Variants in BBS9 observed in about 807,000 individuals in gnomAD.
BBS9 encodes the protein protein PTHB1.
In BBS9, 89 loss-of-function variants were observed where a neutral mutation model predicts 117.7. That is an observed-to-expected ratio of 0.76 (90% CI 0.64 to 0.90). The LOEUF (loss-of-function observed/expected upper bound fraction) is 0.90. BBS9 is among the 40% of genes least tolerant of loss of function. BBS9 has a pLI of 0.00. For missense variants in BBS9, 982 were observed against 1,042.2 expected (o/e 0.94, Z 0.80); for synonymous variants, 379 against 370.9 (o/e 1.02, Z -0.25).
At chr7:33,607,064 C>G (rs1465253013), downstream of BBS9, among the ~76,000 whole-genome samples, 1 of 152,134 alleles carries the variant, frequency 6.6e-6, no homozygotes, top group Non-Finnish European at 1.5e-5. Context: ...ACATACCTCT[C>G]TCTTACTTAT....
intron 21 of BBS9, among the ~76,000 whole-genome samples, chr7:33,615,736 G>T (rs571860130): frequency 6.6e-6 from 1 of 151,972 alleles, no homozygotes; most frequent in African/African-American, 2.4e-5. Flanking sequence ...ATCAAAGTGG[G>T]TAAATACTAA....
At position 33,264,537 on chromosome 7, in the gene BBS9, T is replaced by C. The variant is rs546002572; in HGVS notation, c.702+163T>C. Among the ~76,000 whole-genome samples the C allele has an allele frequency of 3.9e-5, 6 of 152,254 alleles. No homozygotes were observed. The East Asian group carries it at 5.8e-4, about 15-fold the overall frequency. ...GACCTAAGAATTGAGTTGGTTGTTGTTGAGCAATGGAAACACATGCCTGGT... is the reference window on the plus strand; with the variant it reads ...GACCTAAGAATTGAGTTGGTTGTTGCTGAGCAATGGAAACACATGCCTGGT... On this transcript the variant is annotated intron_variant, in intron 7 of 22. Transcript: ENST00000242067.
chr7:33,604,286 G>T (rs1864254542), intron 21 of BBS9, among the ~76,000 whole-genome samples: 1 of 152,132 alleles, frequency 6.6e-6, no homozygotes, highest in Admixed American at 6.6e-5. Context: ...TCATCCTCAA[G>T]TCACCTTTGG....
rs140019958 is a variant in BBS9 at position 33,596,359 on chromosome 7, T to TTATCTATCTATCTATCTATC, written c.2522-8490_2522-8471dup. Among the ~76,000 whole-genome samples the TTATCTATCTATCTATCTATC allele has an allele frequency of 4.9e-3, 708 of 144,986 alleles. 8 individuals are homozygous for TTATCTATCTATCTATCTATC. The highest frequency in any genetic ancestry group is 0.014 in the East Asian group (68 of 4,864). On this transcript the variant is annotated intron_variant, in intron 21 of 22. Coordinates refer to ENST00000242067, the MANE Select transcript of BBS9 (RefSeq NM_198428.3). ...TTGTAGATATATAATTGATATATAATTATCTATCTATCTATCTATCTATCT... is the reference window on the plus strand; with the variant it reads ...TTGTAGATATATAATTGATATATAATTATCTATCTATCTATCTATCTATCTATCTATCTATCTATCTATCT...
In BBS9 at chr7:33,385,673, C is replaced by T. The variant is rs141379957; in HGVS notation, c.1962+1835C>T. 8.4e-3 allele frequency among the ~76,000 whole-genome samples: 1,285 copies of T among 152,118 alleles called. 22 individuals carry two copies. The highest frequency in any genetic ancestry group is 0.045 in the South Asian group (218 of 4,814). ...CAAGAATTTAGGAAATAAATTATTA[C>T]AGCAGTAAATTATACAATTAAAAGA... On this transcript the variant is annotated intron_variant, in intron 18 of 22. Transcript: ENST00000242067.
chr7:33,180,770 T>TCTGTTCTCCCTACAAGAACAG (rs999963583), intron 5 of BBS9, among the ~76,000 whole-genome samples: 1 of 152,150 alleles, frequency 6.6e-6, no homozygotes, highest in African/African-American at 2.4e-5. Flanking sequence ...GGTCTCCAGT[T>TCTGTTCTCCCTACAAGAACAG]GCCTCTTGTA....
intron 12 of BBS9, among the ~76,000 whole-genome samples, chr7:33,344,835 C>T (rs1311832382): frequency 6.6e-6 from 1 of 152,074 alleles, no homozygotes; most frequent in East Asian, 1.9e-4. Context: ...GCATTTATAG[C>T]AATATGTATA....
intron 21 of BBS9, among the ~76,000 whole-genome samples, chr7:33,626,738 G>A (rs1865654192): frequency 6.6e-6 from 1 of 152,208 alleles, no homozygotes; most frequent in African/African-American, 2.4e-5. Flanking sequence ...CTTTGAACTT[G>A]AGGGTGATGA....
At chr7:33,458,550 C>T (rs1378740668) in intron 19 of BBS9, among the ~76,000 whole-genome samples, 1 of 152,088 alleles carries the variant, frequency 6.6e-6, no homozygotes, top group Non-Finnish European at 1.5e-5. Flanking sequence ...AAGTAACAAA[C>T]AAGAAGCTAA....
chr7:33,349,622 G>T (rs1023412027), intron 13 of BBS9, among the ~76,000 whole-genome samples: 1 of 151,942 alleles, frequency 6.6e-6, no homozygotes, highest in Non-Finnish European at 1.5e-5. Context: ...GTAGAGACGG[G>T]GTTTCGCCAT....
chr7:33,630,266 G>A (rs1182929825), intron 21 of BBS9, among the ~76,000 whole-genome samples: 1 of 152,078 alleles, frequency 6.6e-6, no homozygotes. Flanking sequence ...CATATATGGA[G>A]GATTTATTTC....
At chr7:33,209,815 T>C (rs1287051356) in intron 5 of BBS9, among the ~76,000 whole-genome samples, 1 of 152,124 alleles carries the variant, frequency 6.6e-6, no homozygotes, top group Non-Finnish European at 1.5e-5. Flanking sequence ...TAAAGGTTTG[T>C]CAATTTTATC....
At chr7:33,598,511 T>G (rs575955674) in intron 21 of BBS9, among the ~76,000 whole-genome samples, 1 of 152,262 alleles carries the variant, frequency 6.6e-6, no homozygotes, top group East Asian at 1.9e-4. Flanking sequence ...CTTTAGTTAA[T>G]AATAATGTAT....
rs559998509 is a variant in BBS9 at position 33,617,109 on chromosome 7, C to T, written c.2522-18068C>T. ...TATAAATATACTATATTTTCTTTAT[C>T]CCATCATCCATTGATGGACAACTGT... On this transcript the variant is annotated intron_variant, in intron 21 of 21. Coordinates refer to the BBS9 transcript ENST00000671952. Among the ~76,000 whole-genome samples the T allele has an allele frequency of 4.6e-5, 7 of 151,802 alleles. No homozygotes were observed. In the East Asian group the frequency reaches 1.4e-3, roughly 29 times the overall value.
chr7:33,268,975 A>C (rs1562909480), intron 7 of BBS9, among the ~76,000 whole-genome samples: 1 of 152,188 alleles, frequency 6.6e-6, no homozygotes, highest in Non-Finnish European at 1.5e-5. Context: ...TTATATAGGT[A>C]AGCAATACTT....
chr7:33,378,794 G>A (rs1353617902), intron 17 of BBS9, among the ~76,000 whole-genome samples: 1 of 152,184 alleles, frequency 6.6e-6, no homozygotes, highest in Non-Finnish European at 1.5e-5. Flanking sequence ...AGCTATGAGT[G>A]AAGACTCAGC....
At chr7:33,177,744 A>G (rs1226953548) in intron 5 of BBS9, 153 bp downstream of exon 5, 4 of 663,408 alleles carry the variant, frequency 6.0e-6, no homozygotes, top group Non-Finnish European at 1.1e-5. Context: ...AAGCAAGTCT[A>G]TGGCCATACC....
intron 20 of BBS9, among the ~76,000 whole-genome samples, chr7:33,508,644 A>G (rs1338814658): frequency 6.6e-6 from 1 of 152,210 alleles, no homozygotes; most frequent in African/African-American, 2.4e-5. Context: ...CACTTAGGAA[A>G]CACAAATTCA....
At chr7:33,590,628 T>C (rs1209944189) in intron 21 of BBS9, among the ~76,000 whole-genome samples, 1 of 151,882 alleles carries the variant, frequency 6.6e-6, no homozygotes, top group African/African-American at 2.4e-5. Context: ...AATCTCAGGC[T>C]TAGACTGGAA....
Sources: gnomAD v4.1 joint callset for allele counts (sites outside exome capture counted in the v4.1 genomes callset) on GRCh38, gnomAD v4.1.1 for gene constraint, MANE v1.5 for transcripts, NCBI Gene and HGNC (gene_info 2026-07-23, HGNC 2026-07-21) for gene names.